The following KCNQ3 variants were observed in gnomAD, a reference collection of about 807,000 sequenced individuals.
KCNQ3 encodes the protein potassium voltage-gated channel subfamily Q member 3.
A neutral mutation model predicts 92.5 loss-of-function variants in KCNQ3; 30 were observed. The ratio of observed to expected loss-of-function variants is 0.32; its 90% confidence interval spans 0.24 to 0.44. The LOEUF (loss-of-function observed/expected upper bound fraction) is 0.44. Ranked by LOEUF, KCNQ3 falls within the 20% of genes least tolerant of loss-of-function variation. KCNQ3 has a pLI of 1.00. For missense variants in KCNQ3, 913 were observed against 1,140.3 expected (o/e 0.80, Z 2.87); for synonymous variants, 450 against 468.8 (o/e 0.96, Z 0.52).
chr8:132,162,082 TG>T (rs1326429261), intron 9 of KCNQ3, among the ~76,000 whole-genome samples: 5 of 152,080 alleles, frequency 3.3e-5, no homozygotes, highest in Admixed American at 1.3e-4. Context: ...CTTGGCAGAG[TG>T]GGGGGTTCTT....
rs529771565 is a variant in KCNQ3, at chr8:132,379,639, T to C, written c.386+100508A>G. ...TCCTAAATATGCAAAATAATAATAT[T>C]CCCCAATTGCCTTCTGCTGTAATTT... On this transcript the variant is annotated intron_variant, in intron 1 of 14. Coordinates refer to ENST00000388996, the MANE Select transcript of KCNQ3 (RefSeq NM_004519.4). Among the ~76,000 whole-genome samples the C allele has an allele frequency of 1.6e-4, 24 of 152,282 alleles. 1 individual carries two copies. In the South Asian group the frequency reaches 4.8e-3, roughly 30 times the overall value.
chr8:132,163,663 T>C (rs913844171), intron 8 of KCNQ3, among the ~76,000 whole-genome samples, 169 bp from the exon 9 acceptor site: 5 of 152,206 alleles, frequency 3.3e-5, no homozygotes, highest in Non-Finnish European at 7.3e-5. Flanking sequence ...GGTTTACCCA[T>C]CCAGACCCCA....
chr8:132,219,723 G>A (rs544565825), intron 1 of KCNQ3, among the ~76,000 whole-genome samples: 1 of 151,876 alleles, frequency 6.6e-6, no homozygotes, highest in South Asian at 2.1e-4. Flanking sequence ...GAAAGGACAA[G>A]CCACTAATCC....
intron 1 of KCNQ3, among the ~76,000 whole-genome samples, chr8:132,297,726 G>A (rs975822058): frequency 5.3e-5 from 8 of 152,314 alleles, no homozygotes; most frequent in South Asian, 2.1e-4. Flanking sequence ...GTCCACTGTG[G>A]ATCTGAGCAG....
At chr8:132,164,964 C>T (rs1826099984) in intron 8 of KCNQ3, among the ~76,000 whole-genome samples, 1 of 152,140 alleles carries the variant, frequency 6.6e-6, no homozygotes, top group South Asian at 2.1e-4. Context: ...GGATGAAGGG[C>T]CCATGCTCTT....
chr8:132,421,099 C>A (rs1364980741), intron 1 of KCNQ3, among the ~76,000 whole-genome samples: 1 of 152,088 alleles, frequency 6.6e-6, no homozygotes, highest in Non-Finnish European at 1.5e-5. Context: ...AGTCAACCTG[C>A]AAACATTAGG....
rs112157668 is a variant in KCNQ3 at position 132,327,859 on chromosome 8, G to A, written c.387-141678C>T. Among the ~76,000 whole-genome samples the A allele has an allele frequency of 3.3e-3, 498 of 152,268 alleles. 1 individual carries two copies. The highest frequency in any genetic ancestry group is 0.011 in the African/African-American group (477 of 41,552). On this transcript the variant is annotated intron_variant, in intron 1 of 14. Transcript: ENST00000388996. Reference sequence around the variant, plus strand: ...CATGAAGCCCCCCATGGTGTGGGAAGGGAAGGGGCAGTCTGGGGTACAGAG... The same window carrying A: ...CATGAAGCCCCCCATGGTGTGGGAAAGGAAGGGGCAGTCTGGGGTACAGAG...
intron 1 of KCNQ3, among the ~76,000 whole-genome samples, chr8:132,243,365 C>T (rs1815055440): frequency 6.6e-6 from 1 of 152,110 alleles, no homozygotes; most frequent in Admixed American, 6.5e-5. Context: ...GAATTATGCC[C>T]AATGCTTCCT....
chr8:132,174,585 A>G (rs576663536), intron 5 of KCNQ3, among the ~76,000 whole-genome samples: 2 of 152,348 alleles, frequency 1.3e-5, no homozygotes, highest in East Asian at 3.9e-4. Flanking sequence ...CAGCAATTGC[A>G]AATGTGTATG....
chr8:132,160,668 TA>T (rs1337312293), intron 9 of KCNQ3, among the ~76,000 whole-genome samples: 1 of 149,338 alleles, frequency 6.7e-6, no homozygotes, highest in East Asian at 1.9e-4. Context: ...TAGTCAGTTA[TA>T]AAGCTGTCGC....
chr8:132,222,054 A>C lies in KCNQ3; in HGVS notation c.387-35873T>G, dbSNP rs143957743. On this transcript the variant is annotated intron_variant, in intron 1 of 14. Coordinates refer to ENST00000388996, the MANE Select transcript of KCNQ3 (RefSeq NM_004519.4). ...ACAAAAGCAATGGCAACAAAAGCCA[A>C]AATTGACAAATGGGATCTAATTAAA... Among the ~76,000 whole-genome samples the C allele has an allele frequency of 1.8e-4, 28 of 152,366 alleles. 1 individual carries two copies. The East Asian group carries it at 5.0e-3, about 27-fold the overall frequency.
intron 1 of KCNQ3, among the ~76,000 whole-genome samples, chr8:132,476,445 C>A (rs1244490886): frequency 6.6e-6 from 1 of 152,216 alleles, no homozygotes; most frequent in Non-Finnish European, 1.5e-5. Flanking sequence ...TGTAGAGTCA[C>A]AAGGGTGGAG....
intron 1 of KCNQ3, among the ~76,000 whole-genome samples, chr8:132,316,316 C>T (rs1268291701): frequency 6.6e-6 from 1 of 152,172 alleles, no homozygotes; most frequent in Non-Finnish European, 1.5e-5. Flanking sequence ...CTGAGTCACT[C>T]TGTCACAAAT....
At chr8:132,214,352 TTTCTTTCC>T (rs1284565485) in intron 1 of KCNQ3, among the ~76,000 whole-genome samples, 10 of 152,254 alleles carry the variant, frequency 6.6e-5, no homozygotes, top group South Asian at 2.1e-4. Flanking sequence ...CTCTCTCTCC[TTTCTTTCC>T]TTCTTTCCTT....
chr8:132,307,834 A>G (rs1817473250), intron 1 of KCNQ3, among the ~76,000 whole-genome samples: 1 of 152,228 alleles, frequency 6.6e-6, no homozygotes. Context: ...TGTTCATCCC[A>G]TTCATATCAG....
At chr8:132,383,803 C>A (rs945964858) in intron 1 of KCNQ3, among the ~76,000 whole-genome samples, 1 of 152,148 alleles carries the variant, frequency 6.6e-6, no homozygotes, top group Non-Finnish European at 1.5e-5. Flanking sequence ...AAGATCAGAT[C>A]GGCCTCTGAG....
intron 1 of KCNQ3, among the ~76,000 whole-genome samples, chr8:132,455,457 A>T (rs79089725): frequency 0.042 from 6,418 of 152,098 alleles, 207 homozygotes; most frequent in Non-Finnish European, 0.065. Flanking sequence ...CAATTAAAAA[A>T]TATTGATATG....
At chr8:132,203,148 AC>A (rs892771440) in intron 1 of KCNQ3, among the ~76,000 whole-genome samples, 1 of 151,938 alleles carries the variant, frequency 6.6e-6, no homozygotes, top group African/African-American at 2.4e-5. Flanking sequence ...AGGAGAACAA[AC>A]CCCTCCTGAG....
intron 1 of KCNQ3, among the ~76,000 whole-genome samples, chr8:132,349,688 C>A (rs752394902): frequency 6.6e-6 from 1 of 152,206 alleles, no homozygotes; most frequent in Non-Finnish European, 1.5e-5. Flanking sequence ...ACCTGCAGAG[C>A]AGACCTGCAG....
Sources: allele counts gnomAD v4.1 joint callset (sites outside exome capture counted in the v4.1 genomes callset), GRCh38; gene constraint gnomAD v4.1.1; transcripts MANE v1.5; gene names NCBI Gene and HGNC (gene_info 2026-07-23, HGNC 2026-07-21).